Variants in DEPDC5 observed in about 807,000 individuals in gnomAD.
DEPDC5 encodes GATOR1 complex protein DEPDC5.
DEPDC5 carries 73 observed loss-of-function variants against 217.3 expected under a neutral mutation model. That is an observed-to-expected ratio of 0.34 (90% CI 0.28 to 0.41). The LOEUF is 0.41. Ranked by LOEUF, DEPDC5 falls within the 10% of genes least tolerant of loss-of-function variation. The pLI, the probability that DEPDC5 is intolerant of heterozygous loss-of-function variation, is 1.00. For synonymous variants in DEPDC5, 733 were observed against 756.7 expected, an observed-to-expected ratio of 0.97 and a Z score of 0.51; for missense variants, 1,675 against 2,070.1, an observed-to-expected ratio of 0.81 and a Z score of 3.70.
At chr22:31,858,768 T>A (rs2092397978) in intron 32 of DEPDC5, 1 of 152,252 alleles carries the variant, frequency 6.6e-6, no homozygotes, top group South Asian at 2.1e-4. Flanking sequence ...AAATGATTTT[T>A]GGTATTTTTC....
chr22:31,765,656 G>C (rs2148114233), intron 5 of DEPDC5, among the ~76,000 whole-genome samples: 1 of 152,308 alleles, frequency 6.6e-6, no homozygotes, highest in South Asian at 2.1e-4. Flanking sequence ...TACGTGAAAG[G>C]CTGCAACAGG....
Position 31,804,232 on chromosome 22 carries a change from AT to A in DEPDC5, c.1143+12del. ...CTGTCCCATTGTTCAAGGTAATTAG[AT>A]TTCGGATTTGTTTACTAAAGGCCAG... On this transcript the variant is annotated intron_variant, in intron 16 of 42. Transcript: ENST00000651528. 2.5e-6 allele frequency: 4 copies of A among 1,614,020 alleles called. No homozygotes were observed. Among genetic ancestry groups the A allele is most frequent in the Non-Finnish European group, 3.4e-6 (4 of 1,179,974 alleles).
chr22:31,854,640 A>G lies in DEPDC5; in HGVS notation c.3156-2805A>G, dbSNP rs577306976. ...AGTGGCAGCTCACATCATAAGAGAG[A>G]GGCAGCCATTCTGGGCCTCCAGGCA... is the stretch of plus-strand genomic sequence containing the variant. On this transcript the variant is annotated intron_variant, in intron 31 of 42. Coordinates refer to ENST00000651528, the MANE Select transcript of DEPDC5 (RefSeq NM_001242896.3). Among the ~76,000 whole-genome samples, 14 of 152,312 alleles carry G rather than the reference A, an allele frequency of 9.2e-5. No homozygotes were observed. The East Asian group carries it at 2.3e-3, about 25-fold the overall frequency.
intron 37 of DEPDC5, 107 bp from the exon 38 acceptor site, chr22:31,879,418 C>T (rs970854168): frequency 1.9e-6 from 2 of 1,047,018 alleles, no homozygotes; most frequent in South Asian, 1.4e-5. Context: ...TGTGTGTCGG[C>T]TTCTTTTACT....
intron 19 of DEPDC5, 118 bp from the exon 20 acceptor site, chr22:31,810,403 C>A: frequency 2.0e-6 from 3 of 1,470,010 alleles, no homozygotes; most frequent in Non-Finnish European, 2.7e-6. Flanking sequence ...TGAAGATTAT[C>A]TGAAGGCCTC....
chr22:31,861,141 A>G (rs1043051579), intron 32 of DEPDC5, among the ~76,000 whole-genome samples: 15 of 145,594 alleles, frequency 1.0e-4, no homozygotes, highest in Admixed American at 9.5e-4. Flanking sequence ...TCGCATTTGG[A>G]TATTGTCTTT....
intron 22 of DEPDC5, among the ~76,000 whole-genome samples, chr22:31,819,761 C>T (rs371051892): frequency 1.8e-4 from 28 of 152,296 alleles, no homozygotes; most frequent in African/African-American, 6.5e-4. Context: ...TGAGCCACCG[C>T]ATCCGGCCCT....
chr22:31,783,701 C>T (rs1227059540), intron 8 of DEPDC5, among the ~76,000 whole-genome samples: 2 of 152,058 alleles, frequency 1.3e-5, no homozygotes, highest in Non-Finnish European at 2.9e-5. Flanking sequence ...TCCAACATTG[C>T]AAGATTCTTT....
intron 7 of DEPDC5, among the ~76,000 whole-genome samples, chr22:31,774,710 G>T (rs1262092291): frequency 6.6e-6 from 1 of 152,108 alleles, no homozygotes; most frequent in African/African-American, 2.4e-5. Flanking sequence ...GGGTGTGGCT[G>T]CTTGTGCCTG....
intron 12 of DEPDC5, among the ~76,000 whole-genome samples, chr22:31,796,094 A>G (rs527607230): frequency 2.8e-5 from 4 of 143,110 alleles, no homozygotes; most frequent in Admixed American, 2.1e-4. Flanking sequence ...ACTGCTCCAC[A>G]GTATCTTTTT....
intron 26 of DEPDC5, among the ~76,000 whole-genome samples, chr22:31,838,460 G>A (rs1383000375): frequency 6.6e-6 from 1 of 152,080 alleles, no homozygotes; most frequent in East Asian, 1.9e-4. Flanking sequence ...GCCCAGGCTG[G>A]TCTTGAATTC....
At chr22:31,778,930 T>G (rs550794608) in intron 8 of DEPDC5, among the ~76,000 whole-genome samples, 3 of 152,322 alleles carry the variant, frequency 2.0e-5, no homozygotes, top group African/African-American at 7.2e-5. Context: ...GTTGTGCCAT[T>G]GGCATCTAGT....
rs113459020 is a variant in DEPDC5, at chr22:31,836,698, C to T, written c.2171-274C>T. On this transcript the variant is annotated intron_variant, in intron 25 of 42. Coordinates refer to ENST00000651528, the MANE Select transcript of DEPDC5 (RefSeq NM_001242896.3). ...TGCCGTAATCTCACCTGCATTGCGG[C>T]TGCAGCTCACAGTCAGCAGAAAATG... The T allele has an allele frequency of 6.2e-3, 2,739 of 438,890 alleles. 21 individuals carry two copies. Among genetic ancestry groups the T allele is most frequent in the Non-Finnish European group, 9.1e-3 (2,246 of 245,826 alleles). The allele number at this position is 438,890 out of a possible 1,614,324, so 27.2% of individuals were successfully genotyped here.
At chr22:31,763,326 T>C (rs1027031971) in intron 4 of DEPDC5, among the ~76,000 whole-genome samples, 4 of 152,142 alleles carry the variant, frequency 2.6e-5, no homozygotes, top group Non-Finnish European at 4.4e-5. Context: ...GGTTTCACCA[T>C]GTTGGCCAGG....
chr22:31,836,906 C>CA, intron 25 of DEPDC5, 66 bp from the exon 26 acceptor site: 1 of 1,436,048 alleles, frequency 7.0e-7, no homozygotes. Flanking sequence ...CTTCCCTCCC[C>CA]TGGCCCCCCA....
chr22:31,765,230 T>G lies in DEPDC5; in HGVS notation c.279+170T>G, dbSNP rs113011879. On this transcript the variant is annotated intron_variant, in intron 5 of 42. Transcript: ENST00000651528. ...CAGGAGGCTGAGACAGGAGGATCAC[T>G]TGAGGCCAGGAGTTCAAGACCAGCC... 9.1e-3 allele frequency among the ~76,000 whole-genome samples: 1,381 copies of G among 152,320 alleles called. 19 individuals are homozygous for G. The highest frequency in any genetic ancestry group is 0.03 in the African/African-American group (1,266 of 41,576).
chr22:31,830,878 G>A (rs762039399), intron 24 of DEPDC5, among the ~76,000 whole-genome samples: 4 of 151,950 alleles, frequency 2.6e-5, no homozygotes, highest in Non-Finnish European at 4.4e-5. Context: ...AAACTTGGCA[G>A]CCAAACCTGG....
chr22:31,791,783 T>A (rs2085673041), intron 10 of DEPDC5, among the ~76,000 whole-genome samples: 1 of 149,704 alleles, frequency 6.7e-6, no homozygotes, highest in Non-Finnish European at 1.5e-5. Context: ...AAAAATTAGC[T>A]GGGCATGGTG....
intron 22 of DEPDC5, among the ~76,000 whole-genome samples, chr22:31,819,872 A>G (rs114117125): frequency 0.034 from 5,183 of 151,884 alleles, 139 homozygotes; most frequent in African/African-American, 0.072. Flanking sequence ...GATCTCTTGG[A>G]TATTGATATC....
Sources: gnomAD v4.1 joint callset for allele counts (sites outside exome capture counted in the v4.1 genomes callset) on GRCh38, gnomAD v4.1.1 for gene constraint, MANE v1.5 for transcripts, NCBI Gene and HGNC (gene_info 2026-07-23, HGNC 2026-07-21) for gene names.